EYS: variants seen among roughly 807,000 people sequenced by gnomAD.
EYS encodes the protein EGF-like photoreceptor maintenance factor.
In EYS, 250 loss-of-function variants were observed where a neutral mutation model predicts 282.1. The observed-to-expected ratio is 0.89, with a 90% CI of 0.80 to 0.98. The LOEUF is 0.98. EYS is among the 50% of genes least tolerant of loss of function. EYS has a pLI of 0.00. For missense variants in EYS, 4,016 were observed against 3,709.0 expected (o/e 1.08, Z -2.15); for synonymous variants, 1,355 against 1,282.9 (o/e 1.06, Z -1.20).
intron 31 of EYS, among the ~76,000 whole-genome samples, chr6:64,127,035 G>A (rs987672376): frequency 2.0e-5 from 3 of 152,072 alleles, no homozygotes; most frequent in Admixed American, 1.3e-4. Flanking sequence ...CTTTCTGGAA[G>A]TATTCTTAAA....
chr6:65,132,673 C>T lies in EYS; in HGVS notation c.2024-74946G>A, dbSNP rs779527190. ...ACAAGACAAGGATGCCATCTCTTAC[C>T]GCTTCTATTAACAACATAGTATTGG... On this transcript the variant is annotated intron_variant, in intron 12 of 42. Transcript: ENST00000503581. Among the ~76,000 whole-genome samples, 5 of 152,004 alleles carry T rather than the reference C, an allele frequency of 3.3e-5. No individual in the cohort carries two copies. The East Asian group carries it at 9.7e-4, about 29-fold the overall frequency.
At chr6:63,874,297 A>T (rs1772902327) in intron 35 of EYS, among the ~76,000 whole-genome samples, 1 of 152,134 alleles carries the variant, frequency 6.6e-6, no homozygotes, top group Non-Finnish European at 1.5e-5. Flanking sequence ...CAAAGATCAG[A>T]TGGTTGTAGA....
At chr6:64,068,797 G>T (rs932050898) in intron 32 of EYS, among the ~76,000 whole-genome samples, 2 of 152,112 alleles carry the variant, frequency 1.3e-5, no homozygotes, top group African/African-American at 4.8e-5. Context: ...GTTGTGATAA[G>T]CTGAATTATG....
intron 29 of EYS, among the ~76,000 whole-genome samples, chr6:64,372,689 C>A (rs887377402): frequency 6.6e-6 from 1 of 152,172 alleles, no homozygotes; most frequent in African/African-American, 2.4e-5. Context: ...AAATGAGTTA[C>A]AGATTTGGTC....
At chr6:64,957,511 A>G (rs1398022435) in intron 14 of EYS, among the ~76,000 whole-genome samples, 2 of 152,182 alleles carry the variant, frequency 1.3e-5, no homozygotes, top group East Asian at 3.8e-4. Flanking sequence ...AAGATCTACT[A>G]TTTGATGGCA....
chr6:64,912,769 G>C lies in EYS; in HGVS notation c.2382-26C>G, dbSNP rs9445437. On this transcript the variant is annotated intron_variant, in intron 15 of 42. Transcript: ENST00000503581. ...CTGAAATAAAATATTAAAATTTTTA[G>C]AAGTGTGAACTCTTTTTCAAGTTTA... 768,513 of 1,299,052 alleles carry C rather than the reference G, an allele frequency of 0.59. 231,845 individuals carry two copies. Among genetic ancestry groups the C allele is most frequent in the African/African-American group, 0.88 (58,180 of 65,866 alleles). 80.5% of individuals were successfully genotyped at this position (1,299,052 alleles called of 1,614,324 possible). A position where few individuals can be genotyped will look rare whatever the true frequency, so the allele number is the denominator to read the frequency against.
chr6:65,211,829 G>C (rs1041652871), intron 12 of EYS, among the ~76,000 whole-genome samples: 7 of 151,856 alleles, frequency 4.6e-5, no homozygotes, highest in African/African-American at 1.7e-4. Flanking sequence ...AGAATGAGAG[G>C]ACTATTAATT....
intron 1 of EYS, among the ~76,000 whole-genome samples, chr6:65,700,804 G>T (rs73742040): frequency 6.6e-6 from 1 of 152,096 alleles, no homozygotes; most frequent in Non-Finnish European, 1.5e-5. Context: ...TGTGTTTGCC[G>T]TACGTTCTTC....
chr6:65,513,705 A>C (rs1766994088), intron 2 of EYS, among the ~76,000 whole-genome samples: 1 of 152,074 alleles, frequency 6.6e-6, no homozygotes. Flanking sequence ...GATTATCTCA[A>C]TAGATGCAGA....
chr6:63,896,522 C>T (rs1053575687), intron 35 of EYS, among the ~76,000 whole-genome samples: 2 of 152,122 alleles, frequency 1.3e-5, no homozygotes, highest in Admixed American at 1.3e-4. Context: ...CACCTCAGAG[C>T]GGTACATGGG....
intron 16 of EYS, among the ~76,000 whole-genome samples, chr6:64,906,112 T>A (rs540342608): frequency 6.6e-6 from 1 of 151,346 alleles, no homozygotes; most frequent in East Asian, 1.9e-4. Context: ...AAATATTATT[T>A]TATTTAAAAA....
At chr6:64,497,207 C>T (rs1199593434) in intron 26 of EYS, among the ~76,000 whole-genome samples, 6 of 152,072 alleles carry the variant, frequency 3.9e-5, no homozygotes, top group Admixed American at 3.9e-4. Flanking sequence ...ACATAGTGTA[C>T]AACAGAAGAC....
At chr6:64,732,992 G>T (rs1772024432) in intron 22 of EYS, among the ~76,000 whole-genome samples, 1 of 152,114 alleles carries the variant, frequency 6.6e-6, no homozygotes, top group African/African-American at 2.4e-5. Context: ...ATGATGAATG[G>T]CATATCCCCT....
At chr6:65,097,487 TC>T (rs1465031954) in intron 12 of EYS, among the ~76,000 whole-genome samples, 2 of 151,036 alleles carry the variant, frequency 1.3e-5, no homozygotes, top group African/African-American at 4.8e-5. Flanking sequence ...TTCAGAAATC[TC>T]ACTTCTGAGT....
chr6:65,122,245 A>C (rs2150196576), intron 12 of EYS, among the ~76,000 whole-genome samples: 1 of 152,244 alleles, frequency 6.6e-6, no homozygotes, highest in Admixed American at 6.5e-5. Context: ...GGTTTTTCAA[A>C]TGTAGTCCAG....
chr6:64,613,316 C>A (rs1582954547), intron 24 of EYS, among the ~76,000 whole-genome samples: 1 of 151,584 alleles, frequency 6.6e-6, no homozygotes, highest in Non-Finnish European at 1.5e-5. Flanking sequence ...TTAAAAGACA[C>A]ATTGAATTAC....
In EYS at chr6:65,503,588, C is replaced by A. The variant is rs1331123100; in HGVS notation, c.-332-7595G>T. On this transcript the variant is annotated intron_variant, in intron 2 of 42. Transcript: ENST00000503581. ...AGAAATTTTGTAGTTAAGTGTTTTA[C>A]ATTTAGGTATGTAATTCATTTTGAT... 2.0e-5 allele frequency among the ~76,000 whole-genome samples: 3 copies of A among 151,626 alleles called. No homozygotes were observed. The East Asian group carries it at 5.8e-4, about 29-fold the overall frequency.
intron 19 of EYS, among the ~76,000 whole-genome samples, chr6:64,835,008 G>A (rs1433441196): frequency 2.6e-5 from 4 of 151,642 alleles, no homozygotes; most frequent in African/African-American, 9.7e-5. Context: ...TGTGTGTTAT[G>A]CAGAAATAAA....
At chr6:65,226,170 T>C (rs1413481721) in intron 12 of EYS, among the ~76,000 whole-genome samples, 1 of 152,216 alleles carries the variant, frequency 6.6e-6, no homozygotes, top group South Asian at 2.1e-4. Context: ...TTCAACATGG[T>C]TGTAGAATAC....
Sources: gnomAD v4.1 joint callset for allele counts (sites outside exome capture counted in the v4.1 genomes callset) on GRCh38, gnomAD v4.1.1 for gene constraint, MANE v1.5 for transcripts, NCBI Gene and HGNC (gene_info 2026-07-23, HGNC 2026-07-21) for gene names.